Variants in CAV1 observed in about 807,000 individuals in gnomAD.
CAV1 encodes the protein caveolin 1.
A neutral mutation model predicts 16.5 loss-of-function variants in CAV1; 10 were observed. The observed-to-expected ratio is 0.61, with a 90% CI of 0.37 to 1.03. The LOEUF (loss-of-function observed/expected upper bound fraction) is 1.03. CAV1 is among the 50% of genes least tolerant of loss of function. CAV1 has a pLI of 0.01. For synonymous variants in CAV1, 76 were observed against 85.1 expected, an observed-to-expected ratio of 0.89 and a Z score of 0.59; for missense variants, 212 against 232.8, an observed-to-expected ratio of 0.91 and a Z score of 0.58.
chr7:116,544,499 G>A (rs1794002130), intron 2 of CAV1, among the ~76,000 whole-genome samples: 1 of 152,016 alleles, frequency 6.6e-6, no homozygotes, highest in African/African-American at 2.4e-5. Flanking sequence ...GATGTGATAG[G>A]CTAGATGAAA....
At chr7:116,543,992 A>G (rs887758366) in intron 2 of CAV1, among the ~76,000 whole-genome samples, 1 of 152,130 alleles carries the variant, frequency 6.6e-6, no homozygotes, top group East Asian at 1.9e-4. Context: ...CCCCTGCATG[A>G]TTTTAATTCC....
In CAV1 at chr7:116,558,950, A is replaced by T; in HGVS notation, c.200A>T (p.Asp67Val). ...KHLNDDVVKI[D>V]FEDVIAEPEG... ...TGTGTCACTTCTTCCTTTTAGATTG[A>T]CTTTGAAGATGTGATTGCAGAACCA... Residue 67 changes from aspartate (D) to valine (V), a missense_variant, in exon 3 of 3, where the codon GAC becomes GTC. Transcript: ENST00000341049. The T allele has an allele frequency of 5.0e-6, 8 of 1,611,752 alleles. No individual in the cohort carries two copies. The highest frequency in any genetic ancestry group is 6.8e-6 in the Non-Finnish European group (8 of 1,178,286).
chr7:116,550,754 T>C (rs1245450346), intron 2 of CAV1, among the ~76,000 whole-genome samples: 2 of 152,216 alleles, frequency 1.3e-5, no homozygotes, highest in Non-Finnish European at 2.9e-5. Flanking sequence ...ATTTTACAAG[T>C]ATGTATTTAA....
intron 2 of CAV1, among the ~76,000 whole-genome samples, chr7:116,556,509 A>C (rs906467242): frequency 1.1e-4 from 16 of 152,212 alleles, no homozygotes; most frequent in African/African-American, 3.6e-4. Context: ...TTACCTGGAC[A>C]ACTCATTAGC....
chr7:116,526,330 C>T, intron 1 of CAV1, 195 bp from the exon 2 acceptor site: 4 of 1,456,936 alleles, frequency 2.7e-6, no homozygotes, highest in East Asian at 2.6e-5. Context: ...GCGAGATCCT[C>T]TTAAAAAGCT....
rs34592877 is a variant in CAV1, at chr7:116,525,112, C to G, written c.30+20C>G. 1.2e-6 allele frequency: 2 copies of G among 1,613,872 alleles called. No homozygotes were observed. The highest frequency in any genetic ancestry group is 1.7e-6 in the Non-Finnish European group (2 of 1,179,986). On this transcript the variant is annotated intron_variant, in intron 1 of 2. Coordinates refer to ENST00000341049, the MANE Select transcript of CAV1 (RefSeq NM_001753.5). ...TCGGAGGTAGGCATCCGTGGGGGGG[C>G]GCCGGCTCGGGCGTGCGGGGAGTGT...
At chr7:116,544,022 A>T (rs1225647852) in intron 2 of CAV1, among the ~76,000 whole-genome samples, 1 of 152,176 alleles carries the variant, frequency 6.6e-6, no homozygotes, top group Non-Finnish European at 1.5e-5. Context: ...CACCCCAGCC[A>T]TATGATTCTG....
At chr7:116,536,674 G>A (rs1487430661) in intron 2 of CAV1, among the ~76,000 whole-genome samples, 1 of 152,176 alleles carries the variant, frequency 6.6e-6, no homozygotes, top group East Asian at 1.9e-4. Flanking sequence ...CTCTTTGTAG[G>A]CCACAGCGAC....
At chr7:116,535,877 C>T (rs919603658) in intron 2 of CAV1, among the ~76,000 whole-genome samples, 3 of 152,128 alleles carry the variant, frequency 2.0e-5, no homozygotes, top group Non-Finnish European at 4.4e-5. Flanking sequence ...CCATTAAGAA[C>T]CAGACGCTTT....
chr7:116,525,754 A>C (rs956069113), intron 1 of CAV1: 1 of 1,050,146 alleles, frequency 9.5e-7, no homozygotes, highest in Non-Finnish European at 1.2e-6. Context: ...CCCTTCAGCC[A>C]CCCGCCCGCA....
chr7:116,525,132 G>C, intron 1 of CAV1, 40 bp downstream of exon 1: 1 of 1,614,178 alleles, frequency 6.2e-7, no homozygotes, highest in Non-Finnish European at 8.5e-7. Flanking sequence ...GGCGTGCGGG[G>C]AGTGTCCGCT....
chr7:116,530,025 TA>T (rs774295389), intron 2 of CAV1, among the ~76,000 whole-genome samples: 23 of 152,330 alleles, frequency 1.5e-4, no homozygotes, highest in African/African-American at 5.3e-4. Flanking sequence ...ATTTATTTAT[TA>T]AACCCATGCA....
intron 2 of CAV1, among the ~76,000 whole-genome samples, chr7:116,529,297 T>TAAAA (rs1793635896): frequency 6.6e-6 from 1 of 152,194 alleles, no homozygotes; most frequent in Non-Finnish European, 1.5e-5. Flanking sequence ...AAGGAAAAGT[T>TAAAA]GGTCCTAAAA....
In CAV1 at chr7:116,560,380, C is replaced by G. The variant is rs1386473365; in HGVS notation, c.*1093C>G. 1 of 152,176 alleles carries G rather than the reference C, an allele frequency of 6.6e-6. No homozygotes were observed. The highest frequency in any genetic ancestry group is 1.5e-5 in the Non-Finnish European group (1 of 68,056). The allele number at this position is 152,176 out of a possible 1,614,324, so 9.4% of individuals were successfully genotyped here. A position where few individuals can be genotyped will look rare whatever the true frequency, so the allele number is the denominator to read the frequency against. On this transcript the variant is annotated 3_prime_UTR_variant, in exon 3 of 3. Coordinates refer to ENST00000341049, the MANE Select transcript of CAV1 (RefSeq NM_001753.5). ...CCCATTTCAGCTGATCAGTGGGCCT[C>G]CAAGGAGGGGCTGTAAAATGGAGGC... is the stretch of plus-strand genomic sequence containing the variant.
Position 116,549,857 on chromosome 7 carries a change from C to A in CAV1, c.196-9089C>A, listed in dbSNP as rs866574789. Among the ~76,000 whole-genome samples, 56 of 152,262 alleles carry A rather than the reference C, an allele frequency of 3.7e-4. 1 individual carries two copies. The highest frequency in any genetic ancestry group is 2.5e-3 in the Admixed American group (38 of 15,298). ...ACCAGATGTTTGTAGTAGACACAGA[C>A]CTTGCCCTAAGTCCTGGTCTTGATG... On this transcript the variant is annotated intron_variant, in intron 2 of 2. Transcript: ENST00000341049.
chr7:116,545,647 C>T (rs1057044313), intron 2 of CAV1, among the ~76,000 whole-genome samples: 10 of 152,112 alleles, frequency 6.6e-5, no homozygotes, highest in African/African-American at 2.4e-5. Flanking sequence ...CAACCTCTAC[C>T]GTGAGGAAGT....
intron 2 of CAV1, among the ~76,000 whole-genome samples, chr7:116,558,521 G>T (rs1461427562): frequency 6.6e-6 from 1 of 151,704 alleles, no homozygotes; most frequent in East Asian, 1.9e-4. Context: ...GCCAAGGTGG[G>T]TGGATTCCTT....
intron 2 of CAV1, among the ~76,000 whole-genome samples, chr7:116,549,788 T>A (rs1251391224): frequency 6.6e-6 from 1 of 152,156 alleles, no homozygotes; most frequent in African/African-American, 2.4e-5. Flanking sequence ...AATATTTACA[T>A]GCTAATTAAC....
At chr7:116,535,883 G>A (rs930974487) in intron 2 of CAV1, among the ~76,000 whole-genome samples, 4 of 152,074 alleles carry the variant, frequency 2.6e-5, no homozygotes, top group Non-Finnish European at 4.4e-5. Context: ...AGAACCAGAC[G>A]CTTTTATTTT....
Sources: gnomAD v4.1 joint callset for allele counts (sites outside exome capture counted in the v4.1 genomes callset) on GRCh38, gnomAD v4.1.1 for gene constraint, MANE v1.5 for transcripts, NCBI Gene and HGNC (gene_info 2026-07-23, HGNC 2026-07-21) for gene names.